Variants in NUP214 observed in about 807,000 individuals in gnomAD.
NUP214 encodes the protein nuclear pore complex protein Nup214.
NUP214 carries 79 observed loss-of-function variants against 196.2 expected under a neutral mutation model. The ratio of observed to expected loss-of-function variants is 0.40; its 90% confidence interval spans 0.34 to 0.49. NUP214 has a LOEUF of 0.49. Among genes scored for constraint, NUP214 ranks in the 20% least tolerant of loss-of-function variants. The pLI is 0.58. For missense variants in NUP214, 2,468 were observed against 2,539.0 expected (o/e 0.97, Z 0.60); for synonymous variants, 1,020 against 990.5 (o/e 1.03, Z -0.56).
In NUP214 at chr9:131,127,482, CT is replaced by C. The variant is rs765426388; in HGVS notation, c.46-39del. The C allele has an allele frequency of 6.0e-6, 9 of 1,512,078 alleles. No homozygotes were observed. The African/African-American group carries it at 1.3e-4, about 21-fold the overall frequency. The allele number at this position is 1,512,078 out of a possible 1,614,324, so 93.7% of individuals were successfully genotyped here. A position where few individuals can be genotyped will look rare whatever the true frequency, so the allele number is the denominator to read the frequency against. On this transcript the variant is annotated intron_variant, in intron 1 of 35. Coordinates refer to ENST00000359428, the MANE Select transcript of NUP214 (RefSeq NM_005085.4). The stretch of plus-strand genomic sequence containing the variant: ...TACTGAATATAACATGTTTTAATTT[CT>C]TTCTTTATTGAATTGATCTCGTTTT...
In NUP214 at chr9:131,223,740, T is replaced by A. The variant is rs1479495982; in HGVS notation, c.5902+810T>A. ...ATTTATTTATTTATTTTTTTTTTTT[T>A]TTTTTTTTTTTTGAGACGGAGTCTC... On this transcript the variant is annotated intron_variant, in intron 32 of 35. Coordinates refer to ENST00000359428, the MANE Select transcript of NUP214 (RefSeq NM_005085.4). 1.1e-4 allele frequency among the ~76,000 whole-genome samples: 5 copies of A among 44,492 alleles called. 1 individual carries two copies. Among genetic ancestry groups the A allele is most frequent in the South Asian group, 2.5e-3 (2 of 816 alleles). 29.2% of individuals were successfully genotyped at this position (44,492 alleles called of 152,430 possible).
At chr9:131,137,371 A>G (rs1235467288) in intron 9 of NUP214, among the ~76,000 whole-genome samples, 1 of 152,144 alleles carries the variant, frequency 6.6e-6, no homozygotes, top group Admixed American at 6.5e-5. Context: ...AATCTGCTTT[A>G]TAACTAGTAA....
chr9:131,132,305 G>A (rs543360424), intron 5 of NUP214, among the ~76,000 whole-genome samples: 1 of 151,782 alleles, frequency 6.6e-6, no homozygotes, highest in Non-Finnish European at 1.5e-5. Context: ...GTAGAGACGG[G>A]GTTTCGCCAT....
intron 26 of NUP214, chr9:131,190,921 T>G (rs1833579308): frequency 6.5e-6 from 1 of 153,162 alleles, no homozygotes; most frequent in African/African-American, 2.4e-5. Flanking sequence ...TTTTAAGAGC[T>G]GTCTACAACC....
chr9:131,163,802 G>A, intron 19 of NUP214, 68 bp from the exon 20 acceptor site: 1 of 1,100,664 alleles, frequency 9.1e-7, no homozygotes, highest in Non-Finnish European at 1.4e-6. Context: ...TAAGAGGATA[G>A]TGTACCCCCG....
At chr9:131,134,626 A>G (rs1381816346) in intron 7 of NUP214, among the ~76,000 whole-genome samples, 1 of 152,178 alleles carries the variant, frequency 6.6e-6, no homozygotes, top group Non-Finnish European at 1.5e-5. Context: ...TAGGTCTAGT[A>G]TACACATGAG....
chr9:131,151,818 A>C lies in NUP214; in HGVS notation c.2360A>C (p.Glu787Ala). ...GTTGAGGAAGCCAGAGAACAAAATG[A>C]AAGAAATCGTGACTCTGGTTATCTG... ...AGVEEAREQNERNRDSGYLHL... is the reference protein window; with the variant it reads ...AGVEEAREQNARNRDSGYLHL... The change falls in exon 17 of 36, where the codon GAA becomes GCA. Residue 787 changes from glutamate to alanine, a missense_variant. Around this residue, in one of 5 missense-constraint regions of NUP214, gnomAD observed 1,801 missense variants for 1,779.4 expected, o/e 1.01. Coordinates refer to ENST00000359428, the MANE Select transcript of NUP214 (RefSeq NM_005085.4). 2 of 1,613,752 alleles carry C rather than the reference A, an allele frequency of 1.2e-6. No individual in the cohort carries two copies. Among genetic ancestry groups the C allele is most frequent in the African/African-American group, 1.3e-5 (1 of 75,060 alleles).
chr9:131,197,804 C>G lies in NUP214; in HGVS notation c.4310C>G (p.Thr1437Ser). ...FGGTSLSAGK[T>S]SFSFGSQQTN... ...GGGACATCTCTAAGTGCTGGCAAGACTAGTTTTTCATTTGGAAGCCAACAG... is the reference window on the plus strand; with the variant it reads ...GGGACATCTCTAAGTGCTGGCAAGAGTAGTTTTTCATTTGGAAGCCAACAG... The change falls in exon 29 of 36, where the codon ACT becomes AGT. Residue 1437 changes from threonine (T) to serine (S), a missense_variant. Coordinates refer to ENST00000359428, the MANE Select transcript of NUP214 (RefSeq NM_005085.4). 6.2e-7 allele frequency: 1 copy of G among 1,614,028 alleles called. No individual in the cohort carries two copies. Among genetic ancestry groups the G allele is most frequent in the African/African-American group, 1.3e-5 (1 of 75,052 alleles).
At chr9:131,195,350 G>A (rs908014863) in intron 28 of NUP214, 56 bp downstream of exon 28, 3 of 1,405,162 alleles carry the variant, frequency 2.1e-6, no homozygotes, top group Non-Finnish European at 3.0e-6. Context: ...ATAAGTACAG[G>A]TTATTTTTGC....
chr9:131,149,637 G>A (rs1832193476), intron 14 of NUP214, among the ~76,000 whole-genome samples: 1 of 151,900 alleles, frequency 6.6e-6, no homozygotes. Flanking sequence ...TGCTATCCCT[G>A]CTCTACATAG....
chr9:131,184,614 G>A (rs1264405147), intron 24 of NUP214, among the ~76,000 whole-genome samples: 2 of 152,118 alleles, frequency 1.3e-5, no homozygotes, highest in Non-Finnish European at 2.9e-5. Flanking sequence ...GGGATTACAG[G>A]CGTGAGACAC....
intron 30 of NUP214, among the ~76,000 whole-genome samples, chr9:131,202,934 A>ATATT (rs1341710742): frequency 6.7e-6 from 1 of 149,726 alleles, no homozygotes; most frequent in Non-Finnish European, 1.5e-5. Flanking sequence ...TTATTTATTT[A>ATATT]TATTTATTTA....
Position 131,144,389 on chromosome 9 carries a change from C to T in NUP214, c.1404C>T (p.Ala468=). The T allele has an allele frequency of 1.2e-6, 2 of 1,614,170 alleles. No individual in the cohort carries two copies. The highest frequency in any genetic ancestry group is 1.7e-6 in the Non-Finnish European group (2 of 1,180,030). Residue 468 remains alanine (A), a synonymous_variant, in exon 12 of 36, where the codon GCC becomes GCT. Transcript: ENST00000359428. ...LPPSSPAAPI[A]TFSLLPAGGA... ...CTTCATCACCTGCTGCTCCCATTGCCACTTTTTCTTTGCTTCCTGCTGGTG... is the reference window on the plus strand; with the variant it reads ...CTTCATCACCTGCTGCTCCCATTGCTACTTTTTCTTTGCTTCCTGCTGGTG...
chr9:131,191,107 G>A (rs1833587250), intron 26 of NUP214: 1 of 151,416 alleles, frequency 6.6e-6, no homozygotes, highest in South Asian at 2.1e-4. Context: ...TCTTGTTGTT[G>A]TTTGGTTTAG....
At chr9:131,139,984 G>A (rs1338233885) in intron 10 of NUP214, among the ~76,000 whole-genome samples, 1 of 152,172 alleles carries the variant, frequency 6.6e-6, no homozygotes, top group Non-Finnish European at 1.5e-5. Flanking sequence ...TCCCCGTCAG[G>A]CACCATTAAG....
chr9:131,162,842 T>G (rs762856833), intron 18 of NUP214, 149 bp from the exon 19 acceptor site: 37 of 735,138 alleles, frequency 5.0e-5, no homozygotes, highest in Non-Finnish European at 7.1e-5. Flanking sequence ...CTTTTTATTT[T>G]CTAGTAATTT....
At position 131,175,533 on chromosome 9, in the gene NUP214, T is replaced by C. The variant is rs1833090335; in HGVS notation, c.3231T>C (p.His1077=). 1 of 1,614,178 alleles carries C rather than the reference T, an allele frequency of 6.2e-7. No individual in the cohort carries two copies. The highest frequency in any genetic ancestry group is 8.5e-7 in the Non-Finnish European group (1 of 1,180,026). ...STMLATKTVK[H]GAPSPSHPIS... ...TGCTTGCCACGAAAACCGTGAAACA[T>C]GGTGCACCTAGTCCTTCCCACCCCA... The change falls in exon 23 of 36, where the codon CAT becomes CAC. Residue 1077 remains histidine (H), a synonymous_variant. Transcript: ENST00000359428.
chr9:131,133,056 A>G (rs1831606495), intron 6 of NUP214, 50 bp from the exon 7 acceptor site: 3 of 1,377,296 alleles, frequency 2.2e-6, no homozygotes, highest in Non-Finnish European at 2.1e-6. Context: ...TTTTTCTTGT[A>G]TCTGGTTGCT....
chr9:131,197,902 A>C lies in NUP214; in HGVS notation c.4408A>C (p.Thr1470Pro). 6.2e-7 allele frequency: 1 copy of C among 1,613,840 alleles called. No homozygotes were observed. Among genetic ancestry groups the C allele is most frequent in the Non-Finnish European group, 8.5e-7 (1 of 1,180,000 alleles). The change falls in exon 29 of 36, where the codon ACA (threonine) becomes CCA (proline). Residue 1470 changes from threonine to proline, a missense_variant. This residue lies in a region of NUP214 where 1,801 missense variants were observed against 1,779.4 expected (regional missense o/e 1.01). Transcript: ENST00000359428. ...CACTCCCCTTCCAACATCATTCCCCACATTGTCATTTGGTAGCCTCCTGAG... is the reference window on the plus strand; with the variant it reads ...CACTCCCCTTCCAACATCATTCCCCCCATTGTCATTTGGTAGCCTCCTGAG... ...AATPLPTSFP[T>P]LSFGSLLSSA...
Sources: allele counts gnomAD v4.1 joint callset (sites outside exome capture counted in the v4.1 genomes callset), GRCh38; gene constraint gnomAD v4.1.1; regional missense constraint gnomAD v4.1.1; transcripts MANE v1.5; gene names NCBI Gene and HGNC (gene_info 2026-07-23, HGNC 2026-07-21).